Variants in PDZD2 observed in about 807,000 individuals in gnomAD.
PDZD2 encodes the protein PDZ domain-containing protein 2.
Under a neutral mutation model 220.7 loss-of-function variants are expected in PDZD2, and 90 were observed. The observed-to-expected ratio is 0.41, with a 90% CI of 0.34 to 0.49. The LOEUF (loss-of-function observed/expected upper bound fraction) is 0.49. Ranked by LOEUF, PDZD2 falls within the 20% of genes least tolerant of loss-of-function variation. PDZD2 has a pLI of 0.28. For synonymous variants in PDZD2, 1,375 were observed against 1,450.5 expected, an observed-to-expected ratio of 0.95 and a Z score of 1.18; for missense variants, 3,174 against 3,608.5, an observed-to-expected ratio of 0.88 and a Z score of 3.08.
chr5:31,869,545 C>T (rs10472789), intron 2 of PDZD2, among the ~76,000 whole-genome samples: 2 of 151,452 alleles, frequency 1.3e-5, no homozygotes, highest in Admixed American at 1.3e-4. Context: ...GCCTGGGCGA[C>T]AGAGCGAGAC....
Position 32,088,865 on chromosome 5 carries a change from A to G in PDZD2, c.5417A>G (p.Asn1806Ser). The change falls in exon 20 of 25, where the codon AAT becomes AGT. Residue 1806 changes from asparagine to serine, a missense_variant. By Grantham distance (46) the Asn-to-Ser change is conservative (BLOSUM62 1). Around this residue, in one of 4 missense-constraint regions of PDZD2, gnomAD observed 1,861 missense variants for 2,001.0 expected, o/e 0.93. Transcript: ENST00000438447. The surrounding 1 kb of genome is among the most constrained non-coding windows in gnomAD (Gnocchi z 4.6). ...RPIMAWFKEI[N>S]KHNQGTHLRS... Reference sequence around the variant, plus strand: ...ATCATGGCCTGGTTTAAAGAAATAAATAAACATAACCAAGGCACACATTTG... The same window carrying G: ...ATCATGGCCTGGTTTAAAGAAATAAGTAAACATAACCAAGGCACACATTTG... 3 of 1,614,138 alleles carry G rather than the reference A, an allele frequency of 1.9e-6. No homozygotes were observed. The highest frequency in any genetic ancestry group is 2.5e-6 in the Non-Finnish European group (3 of 1,180,026).
chr5:31,968,684 A>C (rs1748989975), intron 2 of PDZD2, among the ~76,000 whole-genome samples: 1 of 152,040 alleles, frequency 6.6e-6, no homozygotes, highest in South Asian at 2.1e-4. Context: ...CAAAAAAAAC[A>C]ACCAGACTCC....
chr5:31,846,031 A>C (rs1757565561), intron 2 of PDZD2, among the ~76,000 whole-genome samples: 2 of 152,174 alleles, frequency 1.3e-5, no homozygotes, highest in Non-Finnish European at 2.9e-5. Flanking sequence ...TGGATCAGAA[A>C]CCATTCTCCG....
Position 31,746,028 on chromosome 5 carries a change from C to G in PDZD2, c.-360-52861C>G, listed in dbSNP as rs139533489. Among the ~76,000 whole-genome samples the G allele has an allele frequency of 2.8e-4, 42 of 152,250 alleles. 1 individual carries two copies. The East Asian group carries it at 7.3e-3, about 27-fold the overall frequency. ...AGATTGTTTCTGAGAGCAGCAGAAG[C>G]AACCAAGTATAGGGCTCTAAATAGA... On this transcript the variant is annotated intron_variant, in intron 1 of 24. Transcript: ENST00000438447.
rs548655848 is a variant in PDZD2, at chr5:31,767,931, T to C, written c.-360-30958T>C. 9.7e-3 allele frequency among the ~76,000 whole-genome samples: 1,483 copies of C among 152,374 alleles called. 20 individuals are homozygous for C. Among genetic ancestry groups the C allele is most frequent in the African/African-American group, 0.034 (1,409 of 41,582 alleles). ...GCCAAATATTTTTTGGTAACATACT[T>C]GAAAGCAAAGTGATAAATTGGGAAC... On this transcript the variant is annotated intron_variant, in intron 1 of 24. Coordinates refer to ENST00000438447, the MANE Select transcript of PDZD2 (RefSeq NM_178140.4).
chr5:31,715,721 T>G (rs1232542649), intron 1 of PDZD2, among the ~76,000 whole-genome samples: 1 of 152,232 alleles, frequency 6.6e-6, no homozygotes, highest in African/African-American at 2.4e-5. Flanking sequence ...TGTTGAGCAT[T>G]CAAGTATAAT....
At chr5:31,819,731 T>G (rs183196204) in intron 2 of PDZD2, among the ~76,000 whole-genome samples, 80 of 152,062 alleles carry the variant, frequency 5.3e-4, no homozygotes, top group Non-Finnish European at 9.3e-4. Flanking sequence ...GTATATGTAA[T>G]GGATACATTC....
chr5:31,976,182 C>T (rs1749751793), intron 2 of PDZD2, among the ~76,000 whole-genome samples: 1 of 152,138 alleles, frequency 6.6e-6, no homozygotes, highest in South Asian at 2.1e-4. Context: ...TCCCATCCCT[C>T]TTATGGAGCT....
chr5:32,088,465 T>C lies in PDZD2; in HGVS notation c.5017T>C (p.Ser1673Pro), dbSNP rs755347775. ...SQPSSLLEMS[S>P]QEHETHADIS... ...GCCATCATCACTCTTGGAGATGAGC[T>C]CTCAGGAGCATGAAACTCATGCGGA... is the stretch of plus-strand genomic sequence containing the variant. Residue 1673 changes from serine (S) to proline (P), a missense_variant, in exon 20 of 25, where the codon TCT becomes CCT. Transcript: ENST00000438447. This position sits in a 1 kb window ranked among gnomAD's most constrained non-coding sequence, Gnocchi z 4.6. 82 of 1,613,888 alleles carry C rather than the reference T, an allele frequency of 5.1e-5. No homozygotes were observed. Among genetic ancestry groups the C allele is most frequent in the Admixed American group, 1.2e-4 (7 of 59,988 alleles).
intron 2 of PDZD2, among the ~76,000 whole-genome samples, chr5:31,954,774 A>G (rs1747506334): frequency 6.6e-6 from 1 of 152,074 alleles, no homozygotes; most frequent in African/African-American, 2.4e-5. Flanking sequence ...TAAAAATACA[A>G]AGAAAAACAA....
chr5:31,943,416 T>C (rs1159957360), intron 2 of PDZD2, among the ~76,000 whole-genome samples: 1 of 152,156 alleles, frequency 6.6e-6, no homozygotes, highest in Non-Finnish European at 1.5e-5. Flanking sequence ...ATCAGTAGTT[T>C]GTAGTAAATC....
chr5:31,990,674 G>A (rs952461818), intron 3 of PDZD2, among the ~76,000 whole-genome samples: 12 of 152,178 alleles, frequency 7.9e-5, no homozygotes, highest in Admixed American at 3.3e-4. Flanking sequence ...TGCTATTTAT[G>A]GGATATTATA....
At chr5:31,734,963 A>T (rs1232598640) in intron 1 of PDZD2, among the ~76,000 whole-genome samples, 1 of 152,204 alleles carries the variant, frequency 6.6e-6, no homozygotes, top group Non-Finnish European at 1.5e-5. Flanking sequence ...GTTTACATGC[A>T]TCAGTAAATT....
At chr5:31,813,147 T>A (rs908175380) in intron 2 of PDZD2, among the ~76,000 whole-genome samples, 2 of 152,158 alleles carry the variant, frequency 1.3e-5, no homozygotes, top group Non-Finnish European at 2.9e-5. Flanking sequence ...ATTAGCAAGA[T>A]ATTTAAAATC....
rs138362584 is a variant in PDZD2, at chr5:31,673,042, C to A, written c.-361+33605C>A. ...TTTAGTGAGAAGGTTTGAGATACTA[C>A]GGGGAAAGAAAAGTGGCTACTGCCC... is the stretch of plus-strand genomic sequence containing the variant. On this transcript the variant is annotated intron_variant, in intron 1 of 24. Coordinates refer to ENST00000438447, the MANE Select transcript of PDZD2 (RefSeq NM_178140.4). 6.9e-3 allele frequency among the ~76,000 whole-genome samples: 1,047 copies of A among 152,190 alleles called. 1 individual carries two copies. The highest frequency in any genetic ancestry group is 0.011 in the Non-Finnish European group (773 of 68,014).
chr5:31,758,384 A>G (rs538836833), intron 1 of PDZD2, among the ~76,000 whole-genome samples: 63 of 152,326 alleles, frequency 4.1e-4, no homozygotes, highest in African/African-American at 1.4e-3. Context: ...AGGTGCCTCC[A>G]TGAAGGGCGC....
chr5:32,014,939 CTTTTTTTTTTT>C (rs746683258), intron 6 of PDZD2, among the ~76,000 whole-genome samples: 2 of 94,020 alleles, frequency 2.1e-5, no homozygotes, highest in East Asian at 3.0e-4. Context: ...CAATCTCTCT[CTTTTTTTTTTT>C]TTTTTTTTTG....
chr5:31,772,501 G>A (rs1752396359), intron 1 of PDZD2, among the ~76,000 whole-genome samples: 1 of 152,172 alleles, frequency 6.6e-6, no homozygotes, highest in Admixed American at 6.5e-5. Context: ...TTCTGTGGAA[G>A]TAAAATTGCC....
rs1757873417 is a variant in PDZD2 at position 31,849,951 on chromosome 5, TATATATATATACACATATATATATATAC to T, written c.476+50239_476+50266del. Among the ~76,000 whole-genome samples, 3 of 20,948 alleles carry T rather than the reference TATATATATATACACATATATATATATAC, an allele frequency of 1.4e-4. 1 individual carries two copies. Among genetic ancestry groups the T allele is most frequent in the East Asian group, 3.3e-3 (2 of 600 alleles). The allele number at this position is 20,948 out of a possible 152,430, so 13.7% of individuals were successfully genotyped here. ...ATATATACACATATATATATATACA[TATATATATATACACATATATATATATAC>T]ATATATATATATACACATATATATA... On this transcript the variant is annotated intron_variant, in intron 2 of 24. Transcript: ENST00000438447.
Sources: allele counts gnomAD v4.1 joint callset (sites outside exome capture counted in the v4.1 genomes callset), GRCh38; gene constraint gnomAD v4.1.1; regional missense constraint gnomAD v4.1.1; non-coding constraint Gnocchi (gnomAD v3.1); transcripts MANE v1.5; gene names NCBI Gene and HGNC (gene_info 2026-07-23, HGNC 2026-07-21).